The following LRRC4C variants were observed in gnomAD, a reference collection of about 807,000 sequenced individuals.
The protein encoded by LRRC4C is leucine-rich repeat-containing protein 4C.
A neutral mutation model predicts 33.6 loss-of-function variants in LRRC4C; 5 were observed. The observed-to-expected ratio is 0.15, with a 90% CI of 0.08 to 0.31. The LOEUF (loss-of-function observed/expected upper bound fraction) is 0.31, where lower values mean the gene tolerates loss of function less well. Ranked by LOEUF, LRRC4C falls within the 10% of genes least tolerant of loss-of-function variation. The probability of loss-of-function intolerance (pLI) is 1.00; values close to 1 mark genes in which losing one functional copy is unlikely to be tolerated. For missense variants in LRRC4C, 560 were observed against 796.7 expected (o/e 0.70, Z 3.58); for synonymous variants, 329 against 302.0 (o/e 1.09, Z -0.93).
chr11:40,821,259 T>C (rs1444624974), intron 2 of LRRC4C, among the ~76,000 whole-genome samples: 1 of 151,600 alleles, frequency 6.6e-6, no homozygotes, highest in Non-Finnish European at 1.5e-5. Flanking sequence ...CTACCAAAAT[T>C]CCCATGCACT....
chr11:41,087,183 A>G (rs1466558814), intron 1 of LRRC4C, among the ~76,000 whole-genome samples: 1 of 152,056 alleles, frequency 6.6e-6, no homozygotes, highest in Admixed American at 6.6e-5. Context: ...GAATCTCTCT[A>G]TGAAATATCA....
intron 5 of LRRC4C, among the ~76,000 whole-genome samples, chr11:40,218,336 T>G (rs535098766): frequency 2.0e-4 from 30 of 152,214 alleles, no homozygotes; most frequent in Admixed American, 1.1e-3. Flanking sequence ...AGAATAACTT[T>G]GCTAGGGCAA....
chr11:41,438,991 G>A (rs1441241272), intron 1 of LRRC4C, among the ~76,000 whole-genome samples: 1 of 152,126 alleles, frequency 6.6e-6, no homozygotes, highest in African/African-American at 2.4e-5. Context: ...GGTGAAGTCT[G>A]TAATCATAAC....
intron 1 of LRRC4C, among the ~76,000 whole-genome samples, chr11:41,185,973 A>G (rs1244710459): frequency 6.6e-6 from 1 of 152,094 alleles, no homozygotes; most frequent in Admixed American, 6.5e-5. Context: ...TCCAATAGGT[A>G]TATTAGAAAA....
intron 5 of LRRC4C, among the ~76,000 whole-genome samples, chr11:40,222,754 A>T (rs1864508104): frequency 2.0e-5 from 3 of 152,170 alleles, no homozygotes; most frequent in Admixed American, 1.3e-4. Context: ...GATTAGGATG[A>T]CTCCACAGGG....
At chr11:40,786,003 T>C (rs1950398724) in intron 2 of LRRC4C, among the ~76,000 whole-genome samples, 1 of 152,186 alleles carries the variant, frequency 6.6e-6, no homozygotes, top group Non-Finnish European at 1.5e-5. Flanking sequence ...TAACAAATTA[T>C]ACATGAAAAT....
At position 40,929,312 on chromosome 11, in the gene LRRC4C, T is replaced by C. The variant is rs377727301; in HGVS notation, c.-407+4323A>G. 2.5e-3 allele frequency among the ~76,000 whole-genome samples: 378 copies of C among 152,302 alleles called. 9 individuals carry two copies. The South Asian group carries it at 0.043, about 18-fold the overall frequency. On this transcript the variant is annotated intron_variant, in intron 2 of 6. Coordinates refer to ENST00000528697, the MANE Select transcript of LRRC4C (RefSeq NM_001258419.2). ...AAAAGAGTTTAACTTACTCAGGTGC[T>C]AGATCCATTAAAAGACCAGCCCTCA...
At chr11:41,422,838 A>C (rs1345620701) in intron 1 of LRRC4C, among the ~76,000 whole-genome samples, 1 of 152,052 alleles carries the variant, frequency 6.6e-6, no homozygotes, top group Non-Finnish European at 1.5e-5. Flanking sequence ...AAAAGCAGAA[A>C]CTCAAATAAA....
In LRRC4C at chr11:40,956,540, G is replaced by T. The variant is rs186633391; in HGVS notation, c.-495-22817C>A. Reference sequence around the variant, plus strand: ...CTAAATTTCTCATCTGTATAATGGGGATAATATTACCTTTCTAGGCTTATC... The same window carrying T: ...CTAAATTTCTCATCTGTATAATGGGTATAATATTACCTTTCTAGGCTTATC... On this transcript the variant is annotated intron_variant, in intron 1 of 6. Coordinates refer to ENST00000528697, the MANE Select transcript of LRRC4C (RefSeq NM_001258419.2). 1.2e-4 allele frequency among the ~76,000 whole-genome samples: 18 copies of T among 151,830 alleles called. No homozygotes were observed. In the Middle Eastern group the frequency reaches 0.01, roughly 86 times the overall value.
chr11:40,211,448 C>T (rs377129035), intron 5 of LRRC4C, among the ~76,000 whole-genome samples: 16 of 152,114 alleles, frequency 1.1e-4, no homozygotes, highest in East Asian at 5.8e-4. Flanking sequence ...TAATTGTAAA[C>T]AGACTTCAAG....
At chr11:40,268,931 C>T (rs943118517) in intron 4 of LRRC4C, among the ~76,000 whole-genome samples, 7 of 152,150 alleles carry the variant, frequency 4.6e-5, no homozygotes, top group Non-Finnish European at 2.9e-5. Flanking sequence ...AAGTAGCTTA[C>T]TTTACCAAGC....
chr11:41,020,963 G>A (rs192181049), intron 1 of LRRC4C, among the ~76,000 whole-genome samples: 6 of 152,136 alleles, frequency 3.9e-5, no homozygotes, highest in Non-Finnish European at 8.8e-5. Context: ...CATTTTATCA[G>A]ATAAGAATTC....
chr11:41,256,345 T>G (rs988338792), intron 1 of LRRC4C, among the ~76,000 whole-genome samples: 1 of 152,020 alleles, frequency 6.6e-6, no homozygotes, highest in Non-Finnish European at 1.5e-5. Context: ...GTTCTTACTC[T>G]CCTGAACCTT....
In LRRC4C at chr11:40,115,928, C is replaced by G; in HGVS notation, c.365G>C (p.Gly122Ala). The G allele has an allele frequency of 6.2e-7, 1 of 1,614,110 alleles. No individual in the cohort carries two copies. Among genetic ancestry groups the G allele is most frequent in the East Asian group, 2.2e-5 (1 of 44,870 alleles). The change falls in exon 7 of 7, where the codon GGT becomes GCT. Residue 122 changes from glycine to alanine, a missense_variant. Around this residue, in one of 3 missense-constraint regions of LRRC4C, gnomAD observed 455 missense variants for 643.8 expected, o/e 0.71. Transcript: ENST00000528697. The surrounding 1 kb of genome is among the most constrained non-coding windows in gnomAD (Gnocchi z 6.7). ...IRTIEIGAFNGLANLNTLELF... is the reference protein window; with the variant it reads ...IRTIEIGAFNALANLNTLELF... ...TTCCAGAGTGTTGAGGTTCGCCAGACCATTGAAAGCCCCAATTTCAATGGT... is the reference window on the plus strand; with the variant it reads ...TTCCAGAGTGTTGAGGTTCGCCAGAGCATTGAAAGCCCCAATTTCAATGGT...
chr11:40,737,784 G>A (rs917530292), intron 2 of LRRC4C, among the ~76,000 whole-genome samples: 9 of 152,074 alleles, frequency 5.9e-5, no homozygotes, highest in African/African-American at 2.2e-4. Context: ...CTGTGAAAAT[G>A]GTCATACTGC....
intron 1 of LRRC4C, among the ~76,000 whole-genome samples, chr11:41,444,206 G>A (rs1955747021): frequency 6.6e-6 from 1 of 152,142 alleles, no homozygotes; most frequent in Admixed American, 6.5e-5. Context: ...TGTGGGTTCT[G>A]AACCAGTGGA....
chr11:41,388,230 A>C (rs550853741), intron 1 of LRRC4C, among the ~76,000 whole-genome samples: 1 of 151,944 alleles, frequency 6.6e-6, no homozygotes, highest in East Asian at 1.9e-4. Flanking sequence ...GAAAGTAGAT[A>C]AAGAGTTTTG....
chr11:41,212,036 A>T (rs954015217), intron 1 of LRRC4C, among the ~76,000 whole-genome samples: 1 of 152,082 alleles, frequency 6.6e-6, no homozygotes, highest in East Asian at 1.9e-4. Context: ...TAATCTTTAT[A>T]TTTTTGTTTG....
intron 3 of LRRC4C, among the ~76,000 whole-genome samples, chr11:40,383,446 T>C (rs1015394362): frequency 6.6e-6 from 1 of 152,176 alleles, no homozygotes; most frequent in Non-Finnish European, 1.5e-5. Flanking sequence ...CTGTTTTCCA[T>C]AGTGGCTGCA....
Sources: allele counts gnomAD v4.1 joint callset (sites outside exome capture counted in the v4.1 genomes callset), GRCh38; gene constraint gnomAD v4.1.1; regional missense constraint gnomAD v4.1.1; non-coding constraint Gnocchi (gnomAD v3.1); transcripts MANE v1.5; gene names NCBI Gene and HGNC (gene_info 2026-07-23, HGNC 2026-07-21).